The following GRB14 variants were observed in gnomAD, a reference collection of about 807,000 sequenced individuals.
GRB14 encodes growth factor receptor-bound protein 14.
In GRB14, 38 loss-of-function variants were observed where a neutral mutation model predicts 69.1. The observed-to-expected ratio is 0.55, with a 90% CI of 0.42 to 0.72. GRB14 has a LOEUF of 0.72. Among genes scored for constraint, GRB14 ranks in the 30% least tolerant of loss-of-function variants. GRB14 has a pLI of 0.00. For synonymous variants in GRB14, 247 were observed against 241.3 expected (o/e 1.02, Z -0.22); for missense variants, 666 against 666.1 (o/e 1.00, Z 0.00).
At chr2:164,521,895 A>G (rs1687642324) in intron 6 of GRB14, 85 bp downstream of exon 6, 3 of 1,219,460 alleles carry the variant, frequency 2.5e-6, no homozygotes, top group Non-Finnish European at 2.3e-6. Context: ...ATCAAGTAAT[A>G]AAGTAATAAA....
chr2:164,518,841 A>C (rs1165960317), intron 6 of GRB14, among the ~76,000 whole-genome samples: 2 of 152,082 alleles, frequency 1.3e-5, no homozygotes, highest in Non-Finnish European at 2.9e-5. Flanking sequence ...CGCTGAGCAG[A>C]CCAATAACAA....
intron 2 of GRB14, among the ~76,000 whole-genome samples, chr2:164,548,280 A>G (rs746598304): frequency 3.9e-5 from 6 of 152,192 alleles, no homozygotes; most frequent in Non-Finnish European, 5.9e-5. Flanking sequence ...AAAAGAAAGA[A>G]GGACTTATTT....
chr2:164,593,083 C>T lies in GRB14; in HGVS notation c.324+26604G>A, dbSNP rs535280098. 8.7e-4 allele frequency among the ~76,000 whole-genome samples: 133 copies of T among 152,180 alleles called. 1 individual carries two copies. Among genetic ancestry groups the T allele is most frequent in the African/African-American group, 3.1e-3 (130 of 41,514 alleles). ...GTAAAGGCACCAAGAAACCATTAAGCCAAAAGGCAAAGCAAATAGAATATG... is the reference window on the plus strand; with the variant it reads ...GTAAAGGCACCAAGAAACCATTAAGTCAAAAGGCAAAGCAAATAGAATATG... On this transcript the variant is annotated intron_variant, in intron 2 of 13. Transcript: ENST00000263915.
At chr2:164,526,539 G>A (rs143968040) in intron 4 of GRB14, among the ~76,000 whole-genome samples, 2 of 151,934 alleles carry the variant, frequency 1.3e-5, no homozygotes, top group East Asian at 3.9e-4. Flanking sequence ...TTAATTTCTG[G>A]CTAAGTTATA....
intron 3 of GRB14, among the ~76,000 whole-genome samples, chr2:164,532,633 A>G (rs1415546890): frequency 6.6e-6 from 1 of 152,190 alleles, no homozygotes; most frequent in Non-Finnish European, 1.5e-5. Flanking sequence ...GTTCAAGTGA[A>G]ATCATCACAA....
intron 2 of GRB14, among the ~76,000 whole-genome samples, chr2:164,611,886 G>T (rs1297136374): frequency 2.0e-5 from 3 of 152,034 alleles, no homozygotes; most frequent in Non-Finnish European, 4.4e-5. Context: ...AGCTTCTAGG[G>T]CTAGTGGAAC....
At chr2:164,505,521 T>C (rs1687166121) in intron 8 of GRB14, among the ~76,000 whole-genome samples, 5 of 152,240 alleles carry the variant, frequency 3.3e-5, no homozygotes, top group Admixed American at 1.3e-4. Flanking sequence ...CCATATCCTG[T>C]GGAAAATACA....
At chr2:164,608,388 G>C (rs962039710) in intron 2 of GRB14, among the ~76,000 whole-genome samples, 4 of 151,328 alleles carry the variant, frequency 2.6e-5, no homozygotes, top group Admixed American at 2.0e-4. Flanking sequence ...AGCAAACAAA[G>C]TTAAATTTTG....
In GRB14 at chr2:164,497,244, T is replaced by A; in HGVS notation, c.1261A>T (p.Thr421Ser). 2 of 1,613,892 alleles carry A rather than the reference T, an allele frequency of 1.2e-6. No individual in the cohort carries two copies. Among genetic ancestry groups the A allele is most frequent in the Non-Finnish European group, 1.7e-6 (2 of 1,179,852 alleles). ...GTGGCAGAGCTCTGTGAAGAGGCAG[T>A]GGGGCTACCGTGAGTGCCCAGGCGT... ...CLRLGTHGSP[T>S]ASSQSSATNM... Residue 421 changes from threonine to serine, a missense_variant, in exon 11 of 14, where the codon ACT becomes TCT. Physicochemically the swap from Thr to Ser is moderately conservative, Grantham distance 58. Transcript: ENST00000263915.
intron 2 of GRB14, among the ~76,000 whole-genome samples, chr2:164,552,377 G>C (rs1476037197): frequency 6.6e-6 from 1 of 152,200 alleles, no homozygotes; most frequent in Non-Finnish European, 1.5e-5. Context: ...CACTTACAAA[G>C]CCTATCACAG....
rs1024491838 is a variant in GRB14 at position 164,512,220 on chromosome 2, G to A, written c.817-3368C>T. Reference sequence around the variant, plus strand: ...TCACTCTTGTTGCCCAGGCTGGAGGGCAATGGCGTGATCTCGGCTCACTGC... The same window carrying A: ...TCACTCTTGTTGCCCAGGCTGGAGGACAATGGCGTGATCTCGGCTCACTGC... On this transcript the variant is annotated intron_variant, in intron 6 of 13. Coordinates refer to ENST00000263915, the MANE Select transcript of GRB14 (RefSeq NM_004490.3). Among the ~76,000 whole-genome samples, 18 of 152,294 alleles carry A rather than the reference G, an allele frequency of 1.2e-4. No homozygotes were observed. The South Asian group carries it at 2.5e-3, about 21-fold the overall frequency.
Position 164,492,869 on chromosome 2 carries a change from G to T in GRB14, c.*167C>A. On this transcript the variant is annotated 3_prime_UTR_variant, in exon 14 of 14. Transcript: ENST00000263915. ...ATGAATTTTAAATGATGAATGTAAAGTCAATCCAAGTCTTTGCTTATTTGC... is the reference window on the plus strand; with the variant it reads ...ATGAATTTTAAATGATGAATGTAAATTCAATCCAAGTCTTTGCTTATTTGC... 1.9e-6 allele frequency: 1 copy of T among 530,928 alleles called. No individual in the cohort carries two copies. The highest frequency in any genetic ancestry group is 3.2e-6 in the Non-Finnish European group (1 of 314,122). The allele number at this position is 530,928 out of a possible 1,614,324, so 32.9% of individuals were successfully genotyped here. A position where few individuals can be genotyped will look rare whatever the true frequency, so the allele number is the denominator to read the frequency against.
At chr2:164,541,836 A>G (rs868657152) in intron 3 of GRB14, among the ~76,000 whole-genome samples, 2 of 152,236 alleles carry the variant, frequency 1.3e-5, no homozygotes, top group Middle Eastern at 3.4e-3. Flanking sequence ...CTCGACAGTT[A>G]GTTTTTCAAC....
At chr2:164,546,682 G>T (rs1016642847) in intron 3 of GRB14, among the ~76,000 whole-genome samples, 1 of 152,176 alleles carries the variant, frequency 6.6e-6, no homozygotes, top group Non-Finnish European at 1.5e-5. Flanking sequence ...CCCATCTTGG[G>T]TTCCCTGGCA....
chr2:164,575,116 TCA>T (rs1002439189), intron 2 of GRB14, among the ~76,000 whole-genome samples: 6 of 152,080 alleles, frequency 3.9e-5, no homozygotes, highest in Non-Finnish European at 8.8e-5. Flanking sequence ...CATTCAACAG[TCA>T]GATTCAGTGG....
chr2:164,582,330 T>A (rs1049768256), intron 2 of GRB14, among the ~76,000 whole-genome samples: 1 of 152,166 alleles, frequency 6.6e-6, no homozygotes, highest in East Asian at 1.9e-4. Flanking sequence ...CATATCCATA[T>A]CCACTCTGTC....
intron 3 of GRB14, among the ~76,000 whole-genome samples, chr2:164,536,099 C>T (rs991593966): frequency 9.9e-5 from 15 of 152,188 alleles, no homozygotes; most frequent in African/African-American, 2.2e-4. Context: ...ATTTCTTTGG[C>T]TTCTTTTCCA....
chr2:164,577,562 C>A (rs1006619676), intron 2 of GRB14, among the ~76,000 whole-genome samples: 3 of 152,232 alleles, frequency 2.0e-5, no homozygotes, highest in Non-Finnish European at 4.4e-5. Context: ...CCTGAAGCCT[C>A]CTCAGCCATG....
intron 4 of GRB14, among the ~76,000 whole-genome samples, chr2:164,526,812 G>C (rs1687784846): frequency 1.3e-5 from 2 of 151,708 alleles, no homozygotes; most frequent in South Asian, 4.1e-4. Flanking sequence ...AAAAAGTTTT[G>C]CACCTGTGTA....
Sources: gnomAD v4.1 joint callset for allele counts (sites outside exome capture counted in the v4.1 genomes callset) on GRCh38, gnomAD v4.1.1 for gene constraint, MANE v1.5 for transcripts, NCBI Gene and HGNC (gene_info 2026-07-23, HGNC 2026-07-21) for gene names.